ITGB1BP1: variants seen among roughly 807,000 people sequenced by gnomAD.
The protein encoded by ITGB1BP1 is integrin beta-1-binding protein 1.
In ITGB1BP1, 20 loss-of-function variants were observed where a neutral mutation model predicts 28.0. The ratio of observed to expected loss-of-function variants is 0.71; its 90% CI spans 0.50 to 1.04. ITGB1BP1 has a LOEUF of 1.04. Ranked by LOEUF, ITGB1BP1 falls within the 50% of genes least tolerant of loss-of-function variation. The probability of loss-of-function intolerance (pLI) is 0.00; values close to 1 mark genes in which losing one functional copy is unlikely to be tolerated. For synonymous variants in ITGB1BP1, 103 were observed against 89.5 expected (o/e 1.15, Z -0.85); for missense variants, 228 against 242.5 (o/e 0.94, Z 0.40).
chr2:9,410,961 T>G (rs1284023641), intron 4 of ITGB1BP1, among the ~76,000 whole-genome samples: 3 of 152,224 alleles, frequency 2.0e-5, no homozygotes, highest in Non-Finnish European at 4.4e-5. Flanking sequence ...ATCTTGGTAT[T>G]GCAGTTAATA....
intron 2 of ITGB1BP1, among the ~76,000 whole-genome samples, chr2:9,417,000 C>T (rs755234251): frequency 2.8e-4 from 43 of 152,058 alleles, no homozygotes; most frequent in Non-Finnish European, 5.0e-4. Flanking sequence ...GAGGTTTCAG[C>T]GCTTCCTTCA....
intron 5 of ITGB1BP1, among the ~76,000 whole-genome samples, chr2:9,407,815 A>G (rs35336030): frequency 0.03 from 4,504 of 150,544 alleles, 91 homozygotes; most frequent in Middle Eastern, 0.075. Context: ...GTCTGTGCCC[A>G]CCGTCCAAGC....
chr2:9,407,275 A>T, intron 6 of ITGB1BP1, 174 bp downstream of exon 6: 1 of 686,650 alleles, frequency 1.5e-6, no homozygotes. Flanking sequence ...CAAATATTTC[A>T]CAAACCTGCA....
Position 9,414,095 on chromosome 2 carries a change from A to G in ITGB1BP1, c.151+83T>C. The G allele has an allele frequency of 2.7e-6, 3 of 1,120,212 alleles. No homozygotes were observed. In the South Asian group the frequency reaches 3.9e-5, roughly 15 times the overall value. 69.4% of individuals were successfully genotyped at this position (1,120,212 alleles called of 1,614,324 possible). Reference sequence around the variant, plus strand: ...AGAGGAAGAAAGCCACAAATACTGAAGAACTCATTGTGCTACCCCAGTAAA... The same window carrying G: ...AGAGGAAGAAAGCCACAAATACTGAGGAACTCATTGTGCTACCCCAGTAAA... On this transcript the variant is annotated intron_variant, in intron 3 of 6. Coordinates refer to ENST00000355346, the MANE Select transcript of ITGB1BP1 (RefSeq NM_004763.5).
In ITGB1BP1 at chr2:9,422,592, G is replaced by A. The variant is rs1019737675; in HGVS notation, c.-36+781C>T. 3.0e-6 allele frequency: 3 copies of A among 985,384 alleles called. No homozygotes were observed. In the African/African-American group the frequency reaches 5.2e-5, roughly 17 times the overall value. The allele number at this position is 985,384 out of a possible 1,614,324, so 61.0% of individuals were successfully genotyped here. A position where few individuals can be genotyped will look rare whatever the true frequency, so the allele number is the denominator to read the frequency against. ...AGCGCCACGATCTGCTGTGGTCTCT[G>A]ATCTCACTCTCCCAGCTGCACGCTG... On this transcript the variant is annotated intron_variant, in intron 1 of 6. Coordinates refer to ENST00000355346, the MANE Select transcript of ITGB1BP1 (RefSeq NM_004763.5).
In ITGB1BP1 at chr2:9,414,209, G is replaced by C; in HGVS notation, c.120C>G (p.Ala40=). 6.2e-7 allele frequency: 1 copy of C among 1,613,994 alleles called. No homozygotes were observed. Among genetic ancestry groups the C allele is most frequent in the Non-Finnish European group, 8.5e-7 (1 of 1,179,906 alleles). ...TTTTGGTGGAATCTGTGTCGAGGCT[G>C]GCCACAGTGCTGGATCGTGAAAGAC... ...LGGLSRSSTV[A]SLDTDSTKSS... is the part of the protein sequence containing the mutation. Residue 40 remains alanine, a synonymous_variant, in exon 3 of 7, where the codon GCC becomes GCG. Coordinates refer to ENST00000355346, the MANE Select transcript of ITGB1BP1 (RefSeq NM_004763.5).
At position 9,406,873 on chromosome 2, in the gene ITGB1BP1, G is replaced by A. The variant is rs746508266; in HGVS notation, c.564C>T (p.Ser188=). 20 of 1,613,166 alleles carry A rather than the reference G, an allele frequency of 1.2e-5. No homozygotes were observed. The highest frequency in any genetic ancestry group is 8.3e-5 in the Admixed American group (5 of 60,000). Residue 188 remains serine (S), a synonymous_variant, in exon 7 of 7, where the codon TCC becomes TCT. Coordinates refer to ENST00000355346, the MANE Select transcript of ITGB1BP1 (RefSeq NM_004763.5). ...ATGTTAATACAGAGTCAAAAGCGGT[G>A]GATAAAACCTTGCAAATGGCTTGTG... is the stretch of plus-strand genomic sequence containing the variant. ...EQAQAICKVL[S]TAFDSVLTSE...
intron 1 of ITGB1BP1, chr2:9,419,966 G>A (rs899979008): frequency 1.3e-5 from 9 of 673,574 alleles, no homozygotes; most frequent in Non-Finnish European, 1.7e-5. Flanking sequence ...GTATTCTCCA[G>A]AGAGAACAAG....
rs1036594187 is a variant in ITGB1BP1 at position 9,409,841 on chromosome 2, C to CTTT, written c.289-1639_289-1637dup. ...ATACTTGTCCAAACTACCGTGAGTT[C>CTTT]TTTTTTTTTTTTTTTTTTTTGAGAC... On this transcript the variant is annotated intron_variant, in intron 4 of 6. Coordinates refer to ENST00000355346, the MANE Select transcript of ITGB1BP1 (RefSeq NM_004763.5). Among the ~76,000 whole-genome samples, 62 of 123,152 alleles carry CTTT rather than the reference C, an allele frequency of 5.0e-4. 1 individual carries two copies. The highest frequency in any genetic ancestry group is 7.6e-4 in the Non-Finnish European group (45 of 59,378). 80.8% of individuals were successfully genotyped at this position (123,152 alleles called of 152,430 possible).
rs1315120968 is a variant in ITGB1BP1, at chr2:9,405,099, T to A, written c.*1735A>T. The A allele has an allele frequency of 6.6e-6, 1 of 152,464 alleles. No individual in the cohort carries two copies. The highest frequency in any genetic ancestry group is 1.5e-5 in the Non-Finnish European group (1 of 68,036). The allele number at this position is 152,464 out of a possible 1,614,324, so 9.4% of individuals were successfully genotyped here. ...GAATAAAGTTGATTCATATCAACAT[T>A]AGAACTCCAGTCCCAAACTAATCTG... On this transcript the variant is annotated 3_prime_UTR_variant, in exon 7 of 7. Transcript: ENST00000355346.
intron 3 of ITGB1BP1, 89 bp from the exon 4 acceptor site, chr2:9,412,494 G>A: frequency 9.2e-7 from 1 of 1,088,278 alleles, no homozygotes; most frequent in Non-Finnish European, 1.3e-6. Flanking sequence ...AAACCAGACT[G>A]TCATTAGAAC....
intron 4 of ITGB1BP1, among the ~76,000 whole-genome samples, chr2:9,408,966 T>C (rs922096220): frequency 3.9e-5 from 6 of 152,234 alleles, no homozygotes; most frequent in African/African-American, 1.4e-4. Flanking sequence ...GCGTGTGGGA[T>C]GATCAGGAAG....
intron 1 of ITGB1BP1, chr2:9,422,632 T>TTTTG: frequency 1.0e-6 from 1 of 985,518 alleles, no homozygotes; most frequent in Non-Finnish European, 1.2e-6. Context: ...AAGGCGGAGC[T>TTTTG]CGGTGACTCC....
rs780422331 is a variant in ITGB1BP1 at position 9,407,577 on chromosome 2, G to C, written c.403C>G (p.Leu135Val). 2 of 1,614,146 alleles carry C rather than the reference G, an allele frequency of 1.2e-6. No homozygotes were observed. Among genetic ancestry groups the C allele is most frequent in the African/African-American group, 1.3e-5 (1 of 75,026 alleles). Reference protein sequence around the residue: ...DQYDVLHRHALYLIIRMVCYD... With the variant: ...DQYDVLHRHAVYLIIRMVCYD... ...CACACCATCCGGATTATTAAGTAGA[G>C]AGCATGCCTGTGCAAAACATCCTGC... Residue 135 changes from leucine to valine, a missense_variant, in exon 6 of 7, where the codon CTC (leucine) becomes GTC (valine). By Grantham distance (32) the Leu-to-Val change is conservative. Around this residue, in one of 2 missense-constraint regions of ITGB1BP1, gnomAD observed 192 missense variants for 181.6 expected, o/e 1.06. Transcript: ENST00000355346.
intron 3 of ITGB1BP1, among the ~76,000 whole-genome samples, chr2:9,413,591 A>G (rs1226241745): frequency 6.6e-6 from 1 of 152,260 alleles, no homozygotes; most frequent in East Asian, 1.9e-4. Context: ...TGGACCCCCG[A>G]AGTGCTGGGA....
chr2:9,408,007 CCAAT>C, intron 5 of ITGB1BP1, 102 bp downstream of exon 5: 2 of 684,478 alleles, frequency 2.9e-6, no homozygotes, highest in Non-Finnish European at 5.1e-6. Context: ...TGTTTACAAA[CCAAT>C]CACTCTGCAA....
intron 6 of ITGB1BP1, 31 bp from the exon 7 acceptor site, chr2:9,406,936 A>T (rs1181733557): frequency 6.6e-7 from 1 of 1,513,674 alleles, no homozygotes. Flanking sequence ...AGTAAGAGCA[A>T]CATTCATCTG....
intron 3 of ITGB1BP1, 92 bp from the exon 4 acceptor site, chr2:9,412,497 A>G: frequency 9.6e-7 from 1 of 1,036,554 alleles, no homozygotes; most frequent in Non-Finnish European, 1.4e-6. Flanking sequence ...CCAGACTGTC[A>G]TTAGAACATA....
intron 4 of ITGB1BP1, among the ~76,000 whole-genome samples, chr2:9,411,327 C>T (rs1224256379): frequency 2.6e-5 from 4 of 152,088 alleles, no homozygotes; most frequent in Non-Finnish European, 5.9e-5. Flanking sequence ...GATGGTGGTA[C>T]GGTAAGGTTT....
Sources: allele counts gnomAD v4.1 joint callset (sites outside exome capture counted in the v4.1 genomes callset), GRCh38; gene constraint gnomAD v4.1.1; regional missense constraint gnomAD v4.1.1; transcripts MANE v1.5; gene names NCBI Gene and HGNC (gene_info 2026-07-23, HGNC 2026-07-21).